RNF175: variants seen among roughly 807,000 people sequenced by gnomAD.
RNF175 encodes the protein ring finger protein 175.
RNF175 carries 38 observed loss-of-function variants against 50.0 expected under a neutral mutation model. The observed-to-expected ratio is 0.76, with a 90% CI of 0.59 to 1.00. The LOEUF (loss-of-function observed/expected upper bound fraction) is 1.00, where lower values mean the gene tolerates loss of function less well. RNF175 is among the 50% of genes least tolerant of loss of function. The pLI, the probability that RNF175 is intolerant of heterozygous loss-of-function variation, is 0.00. For missense variants in RNF175, 388 were observed against 409.6 expected, an observed-to-expected ratio of 0.95 and a Z score of 0.46; for synonymous variants, 155 against 146.1, an observed-to-expected ratio of 1.06 and a Z score of -0.44.
chr4:153,750,657 T>TAAACAAACAAAC lies in RNF175; in HGVS notation c.104+780_104+781insGTTTGTTTGTTT, dbSNP rs57273214. On this transcript the variant is annotated intron_variant, in intron 2 of 8. Coordinates refer to ENST00000347063, the MANE Select transcript of RNF175 (RefSeq NM_173662.4). ...CAGGAATGATTTCTAGAAGCTCATT[T>TAAACAAACAAAC]AAACAAACAAGCAAAAAAACAAACT... is the stretch of plus-strand genomic sequence containing the variant. Among the ~76,000 whole-genome samples the TAAACAAACAAAC allele has an allele frequency of 1.6e-3, 237 of 151,298 alleles. 1 individual carries two copies. Among genetic ancestry groups the TAAACAAACAAAC allele is most frequent in the Non-Finnish European group, 2.7e-3 (182 of 67,596 alleles).
intron 3 of RNF175, among the ~76,000 whole-genome samples, chr4:153,747,691 C>G (rs985940205): frequency 6.6e-6 from 1 of 152,228 alleles, no homozygotes; most frequent in Non-Finnish European, 1.5e-5. Flanking sequence ...TACTCCATTA[C>G]AGCAAGACCA....
chr4:153,750,657 T>C (rs143090417), intron 2 of RNF175, among the ~76,000 whole-genome samples: 1 of 151,180 alleles, frequency 6.6e-6, no homozygotes, highest in Non-Finnish European at 1.5e-5. Context: ...GAAGCTCATT[T>C]AAACAAACAA....
At chr4:153,755,652 C>T (rs1047510300) in intron 1 of RNF175, among the ~76,000 whole-genome samples, 1 of 135,646 alleles carries the variant, frequency 7.4e-6, no homozygotes, top group African/African-American at 2.5e-5. Context: ...GAAATCTCCT[C>T]ACATCCCCCA....
intron 7 of RNF175, chr4:153,714,983 C>T (rs1737811533): frequency 6.1e-6 from 1 of 163,746 alleles, no homozygotes; most frequent in Non-Finnish European, 1.3e-5. Context: ...GCTGTATCTT[C>T]TTCTAAAGAC....
At chr4:153,749,680 G>A (rs1195151974) in intron 2 of RNF175, among the ~76,000 whole-genome samples, 2 of 152,094 alleles carry the variant, frequency 1.3e-5, no homozygotes, top group Admixed American at 6.5e-5. Flanking sequence ...TAGAGCAGTC[G>A]TTCTTGACCT....
At chr4:153,755,840 T>C (rs975931280) in intron 1 of RNF175, among the ~76,000 whole-genome samples, 1 of 152,210 alleles carries the variant, frequency 6.6e-6, no homozygotes, top group Non-Finnish European at 1.5e-5. Flanking sequence ...TATATCTACA[T>C]AAAAGAATCT....
chr4:153,757,795 T>C (rs1560801123), intron 1 of RNF175, among the ~76,000 whole-genome samples: 1 of 151,980 alleles, frequency 6.6e-6, no homozygotes, highest in Non-Finnish European at 1.5e-5. Context: ...CAAACATACC[T>C]AACCAGTTGC....
intron 3 of RNF175, among the ~76,000 whole-genome samples, chr4:153,732,085 A>G (rs1292977167): frequency 6.6e-6 from 1 of 152,092 alleles, no homozygotes; most frequent in Non-Finnish European, 1.5e-5. Context: ...TACAAAAATT[A>G]GCTGGGCGAG....
rs61098386 is a variant in RNF175, at chr4:153,751,478, GA to G, written c.67-4del. ...GCAGAAAGCTTTGTATGAGAGAGCT[GA>G]AAAACATAAAAAGGGCCCTTATCAA... On this transcript the variant is annotated splice_region_variant and splice_polypyrimidine_tract_variant and intron_variant, in intron 1 of 8. Coordinates refer to ENST00000347063, the MANE Select transcript of RNF175 (RefSeq NM_173662.4). The G allele has an allele frequency of 2.6e-6, 4 of 1,554,518 alleles. No homozygotes were observed. In the South Asian group the frequency reaches 4.9e-5, roughly 19 times the overall value.
chr4:153,720,338 G>A (rs778771173), intron 5 of RNF175, 34 bp from the exon 6 acceptor site: 5 of 1,585,398 alleles, frequency 3.2e-6, no homozygotes, highest in Non-Finnish European at 3.5e-6. Flanking sequence ...AAATAAGAAT[G>A]TGGCATATTT....
chr4:153,744,478 C>T (rs572437524), intron 3 of RNF175, among the ~76,000 whole-genome samples: 13 of 152,076 alleles, frequency 8.5e-5, no homozygotes, highest in South Asian at 2.1e-4. Flanking sequence ...CGACACAGTG[C>T]GAGTCAAGGG....
Position 153,710,245 on chromosome 4 carries a change from T to C in RNF175, c.*124A>G, listed in dbSNP as rs769169198. 3 of 715,378 alleles carry C rather than the reference T, an allele frequency of 4.2e-6. No homozygotes were observed. Among genetic ancestry groups the C allele is most frequent in the African/African-American group, 1.8e-5 (1 of 56,472 alleles). The allele number at this position is 715,378 out of a possible 1,614,324, so 44.3% of individuals were successfully genotyped here. On this transcript the variant is annotated 3_prime_UTR_variant, in exon 9 of 9. Transcript: ENST00000347063. ...AATTCTTTCCACATGGACAAATTGC[T>C]TGACAACAAAGTTTACTTAGTTTTC...
intron 1 of RNF175, 117 bp downstream of exon 1, chr4:153,759,680 G>C: frequency 1.6e-6 from 1 of 627,986 alleles, no homozygotes; most frequent in Non-Finnish European, 2.5e-6. Context: ...TCCAGGGCCG[G>C]TTCTCCCCGG....
chr4:153,711,095 A>AT (rs1463352921), intron 8 of RNF175, among the ~76,000 whole-genome samples: 4 of 152,362 alleles, frequency 2.6e-5, no homozygotes, highest in African/African-American at 9.6e-5. Flanking sequence ...TCAAGACTAC[A>AT]TAAAGAAATG....
At chr4:153,736,495 G>T (rs541775245) in intron 3 of RNF175, among the ~76,000 whole-genome samples, 5 of 152,136 alleles carry the variant, frequency 3.3e-5, no homozygotes, top group African/African-American at 9.6e-5. Context: ...TGTCTTTCTG[G>T]TTTTTTTATG....
At chr4:153,754,051 T>A (rs1740435449) in intron 1 of RNF175, among the ~76,000 whole-genome samples, 2 of 151,462 alleles carry the variant, frequency 1.3e-5, no homozygotes, top group South Asian at 4.2e-4. Flanking sequence ...GCGCCTGTAG[T>A]CCCAGCTACT....
intron 3 of RNF175, among the ~76,000 whole-genome samples, chr4:153,739,546 A>G (rs962735552): frequency 3.9e-5 from 6 of 152,176 alleles, no homozygotes; most frequent in Non-Finnish European, 7.3e-5. Context: ...TTCTTTCTGA[A>G]GAACTTTTAA....
chr4:153,731,409 C>T (rs78408423), intron 3 of RNF175, among the ~76,000 whole-genome samples: 3,267 of 152,274 alleles, frequency 0.021, 139 homozygotes, highest in African/African-American at 0.074. Context: ...AACACATCTG[C>T]ACTACTGGCA....
rs573195753 is a variant in RNF175 at position 153,751,525 on chromosome 4, G to T, written c.67-50C>A. 34 of 1,392,906 alleles carry T rather than the reference G, an allele frequency of 2.4e-5. No homozygotes were observed. In the South Asian group the frequency reaches 4.2e-4, roughly 17 times the overall value. The allele number at this position is 1,392,906 out of a possible 1,614,324, so 86.3% of individuals were successfully genotyped here. A position where few individuals can be genotyped will look rare whatever the true frequency, so the allele number is the denominator to read the frequency against. Reference sequence around the variant, plus strand: ...ATCAAAAAATGTCCTTATTTTCTTGGTTTTTCTGTGAAAGCAATATATGGG... The same window carrying T: ...ATCAAAAAATGTCCTTATTTTCTTGTTTTTTCTGTGAAAGCAATATATGGG... On this transcript the variant is annotated intron_variant, in intron 1 of 8. Coordinates refer to ENST00000347063, the MANE Select transcript of RNF175 (RefSeq NM_173662.4).
Sources: gnomAD v4.1 joint callset for allele counts (sites outside exome capture counted in the v4.1 genomes callset) on GRCh38, gnomAD v4.1.1 for gene constraint, MANE v1.5 for transcripts, NCBI Gene and HGNC (gene_info 2026-07-23, HGNC 2026-07-21) for gene names.